AFG2A: variants seen among roughly 807,000 people sequenced by gnomAD.
The protein encoded by AFG2A is AAA ATPase AFG2A.
At chr4:123,238,540 C>T in the AFG2A span, among the ~76,000 whole-genome samples, 1 of 152,176 alleles carries the variant, frequency 6.6e-6, no homozygotes, top group Admixed American at 6.5e-5. Flanking sequence ...CCCAGGCAAA[C>T]AGGGTCTGGA....
chr4:122,940,212 C>A, the AFG2A span, among the ~76,000 whole-genome samples: 1 of 152,030 alleles, frequency 6.6e-6, no homozygotes, highest in Non-Finnish European at 1.5e-5. Context: ...GCCACACTGA[C>A]TTCCACAATG....
the AFG2A span, among the ~76,000 whole-genome samples, chr4:123,221,661 A>G: frequency 6.6e-6 from 1 of 152,306 alleles, no homozygotes; most frequent in East Asian, 1.9e-4. Context: ...ACAGTGGCTC[A>G]CACTTGTAAT....
the AFG2A span, among the ~76,000 whole-genome samples, chr4:123,227,434 G>C: frequency 2.6e-5 from 4 of 152,144 alleles, no homozygotes; most frequent in African/African-American, 9.7e-5. Context: ...TGGTTTCAAA[G>C]AACATCTGTA....
the AFG2A span, chr4:122,928,958 T>A: frequency 1.3e-6 from 2 of 1,503,026 alleles, no homozygotes; most frequent in Middle Eastern, 2.0e-4. Flanking sequence ...AGTGCTTGAC[T>A]GTGCTTAGCA....
chr4:123,020,444 G>A, the AFG2A span, among the ~76,000 whole-genome samples: 1 of 150,912 alleles, frequency 6.6e-6, no homozygotes, highest in African/African-American at 2.4e-5. Context: ...TCTCGGCTCA[G>A]TGTAACCTCC....
At chr4:123,017,702 T>C in the AFG2A span, among the ~76,000 whole-genome samples, 1 of 152,028 alleles carries the variant, frequency 6.6e-6, no homozygotes, top group Non-Finnish European at 1.5e-5. Context: ...GAAAAGTTAG[T>C]GTATGACCCC....
the AFG2A span, among the ~76,000 whole-genome samples, chr4:123,167,333 G>A: frequency 6.6e-6 from 1 of 151,438 alleles, no homozygotes; most frequent in East Asian, 1.9e-4. Flanking sequence ...TTGTAGAGCT[G>A]TGTTTCTTTT....
At chr4:123,117,941 G>A in the AFG2A span, among the ~76,000 whole-genome samples, 2 of 151,960 alleles carry the variant, frequency 1.3e-5, no homozygotes, top group African/African-American at 4.8e-5. Context: ...GATCTCAGAT[G>A]GAGGTGGAAA....
At chr4:123,209,783 A>G in the AFG2A span, among the ~76,000 whole-genome samples, 2 of 152,016 alleles carry the variant, frequency 1.3e-5, no homozygotes, top group Admixed American at 6.6e-5. Flanking sequence ...GGAAGGAGAA[A>G]GAGGTCAGGA....
chr4:122,973,831 C>T, the AFG2A span, among the ~76,000 whole-genome samples: 2 of 152,136 alleles, frequency 1.3e-5, no homozygotes, highest in Admixed American at 6.5e-5. Flanking sequence ...GCACATGCCA[C>T]GAAGCCTGGC....
chr4:123,162,793 G>A, the AFG2A span, among the ~76,000 whole-genome samples: 1 of 152,198 alleles, frequency 6.6e-6, no homozygotes, highest in Non-Finnish European at 1.5e-5. Context: ...CTACTTACTC[G>A]CTATTTTAAC....
the AFG2A span, among the ~76,000 whole-genome samples, chr4:122,943,871 A>G: frequency 7.2e-5 from 11 of 151,906 alleles, no homozygotes; most frequent in Non-Finnish European, 8.8e-5. Flanking sequence ...TCTGTAAAGT[A>G]TTTTATTTCT....
the AFG2A span, among the ~76,000 whole-genome samples, chr4:122,974,358 T>C: frequency 6.6e-6 from 1 of 152,206 alleles, no homozygotes; most frequent in Admixed American, 6.5e-5. Flanking sequence ...ATTAGAAATA[T>C]TGGCAAGTAT....
At chr4:122,962,891 T>A in the AFG2A span, among the ~76,000 whole-genome samples, 1 of 152,204 alleles carries the variant, frequency 6.6e-6, no homozygotes. Context: ...TGAAATACCT[T>A]CTTCCTGCCT....
chr4:123,082,059 C>T, the AFG2A span, among the ~76,000 whole-genome samples: 1 of 152,148 alleles, frequency 6.6e-6, no homozygotes, highest in Admixed American at 6.6e-5. Context: ...TTCGTAGACA[C>T]TTTCTCCCAG....
chr4:123,225,757 G>A, the AFG2A span, among the ~76,000 whole-genome samples: 1 of 152,172 alleles, frequency 6.6e-6, no homozygotes, highest in African/African-American at 2.4e-5. Flanking sequence ...GAAAGTCATT[G>A]GTAGTTTGAT....
chr4:123,167,157 G>A, the AFG2A span, among the ~76,000 whole-genome samples: 1 of 149,076 alleles, frequency 6.7e-6, no homozygotes, highest in African/African-American at 2.4e-5. Flanking sequence ...ACTGGTTTCA[G>A]GGCCTTATAG....
chr4:123,297,967 TTCC>T, the AFG2A span, among the ~76,000 whole-genome samples: 5 of 152,016 alleles, frequency 3.3e-5, no homozygotes, highest in Admixed American at 2.0e-4. Context: ...TCTCTCTCAT[TTCC>T]TCCACCAACC....
At chr4:123,170,885 G>A in the AFG2A span, among the ~76,000 whole-genome samples, 10 of 151,582 alleles carry the variant, frequency 6.6e-5, no homozygotes, top group Admixed American at 2.0e-4. Context: ...CAACCTACTC[G>A]GCCTCAATTT....
Sources: allele counts gnomAD v4.1 joint callset (sites outside exome capture counted in the v4.1 genomes callset), GRCh38; gene constraint gnomAD v4.1.1; transcripts MANE v1.5; gene names NCBI Gene and HGNC (gene_info 2026-07-23, HGNC 2026-07-21).